Variants in NXN observed in about 807,000 individuals in gnomAD.
The protein encoded by NXN is nucleoredoxin.
A neutral mutation model predicts 48.6 loss-of-function variants in NXN; 16 were observed. That is an observed-to-expected ratio of 0.33 (90% CI 0.22 to 0.50). NXN has a LOEUF of 0.50. NXN is among the 20% of genes least tolerant of loss of function. The pLI, the probability that NXN is intolerant of heterozygous loss-of-function variation, is 0.98. For missense variants in NXN, 492 were observed against 605.5 expected (o/e 0.81, Z 1.97); for synonymous variants, 281 against 269.6 (o/e 1.04, Z -0.41).
At position 978,430 on chromosome 17, in the gene NXN, C is replaced by T. The variant is rs563980998; in HGVS notation, c.360+889G>A. 3.3e-5 allele frequency: 5 copies of T among 152,506 alleles called. No individual in the cohort carries two copies. The highest frequency in any genetic ancestry group is 1.2e-4 in the African/African-American group (5 of 41,588). The allele number at this position is 152,506 out of a possible 1,614,324, so 9.4% of individuals were successfully genotyped here. Reference sequence around the variant, plus strand: ...CACGAGAAGTTGACAGCAAAGTATCCATTTCCCCAAATCCTCCTTCTTCCA... The same window carrying T: ...CACGAGAAGTTGACAGCAAAGTATCTATTTCCCCAAATCCTCCTTCTTCCA... On this transcript the variant is annotated intron_variant, in intron 1 of 7. Coordinates refer to ENST00000336868, the MANE Select transcript of NXN (RefSeq NM_022463.5). This position sits in a 1 kb window ranked among gnomAD's most constrained non-coding sequence, Gnocchi z 4.1.
At chr17:974,492 T>C (rs182252420) in intron 1 of NXN, among the ~76,000 whole-genome samples, 17 of 152,104 alleles carry the variant, frequency 1.1e-4, no homozygotes, top group Admixed American at 7.2e-4. Context: ...AACACAATAA[T>C]AGCATTTATT....
rs544426012 is a variant in NXN, at chr17:913,592, C to G, written c.360+65727G>C. On this transcript the variant is annotated intron_variant, in intron 1 of 7. Coordinates refer to ENST00000336868, the MANE Select transcript of NXN (RefSeq NM_022463.5). ...GGAAAAGAGGATAAGGAGGCAGGTT[C>G]TCCACCTACCCCCACGTCCCCAGGC... Among the ~76,000 whole-genome samples the G allele has an allele frequency of 2.3e-3, 346 of 151,952 alleles. 1 individual carries two copies. Among genetic ancestry groups the G allele is most frequent in the Non-Finnish European group, 1.9e-3 (127 of 68,014 alleles).
At chr17:824,434 T>A (rs1912987892) in intron 2 of NXN, among the ~76,000 whole-genome samples, 1 of 152,060 alleles carries the variant, frequency 6.6e-6, no homozygotes, top group Non-Finnish European at 1.5e-5. Context: ...ACGTGCAAAA[T>A]GAAACAGGCT....
intron 1 of NXN, among the ~76,000 whole-genome samples, chr17:951,560 G>A (rs2069110984): frequency 6.6e-6 from 1 of 151,600 alleles, no homozygotes; most frequent in Admixed American, 6.6e-5. Context: ...ATGCGAGCTG[G>A]GGGCGGGGGC....
chr17:851,871 G>T (rs2067926719), intron 1 of NXN, among the ~76,000 whole-genome samples: 1 of 152,254 alleles, frequency 6.6e-6, no homozygotes. Context: ...CCTGCGGAAA[G>T]CGGAGGTCGG....
chr17:920,207 C>G lies in NXN; in HGVS notation c.360+59112G>C, dbSNP rs758624872. On this transcript the variant is annotated intron_variant, in intron 1 of 7. Coordinates refer to ENST00000336868, the MANE Select transcript of NXN (RefSeq NM_022463.5). This position sits in a 1 kb window ranked among gnomAD's most constrained non-coding sequence, Gnocchi z 4.6. ...GAGCCATCACGCCCAGTCTACACCC[C>G]GAAATCCAACATTACAAACTTATCA... 6.6e-6 allele frequency among the ~76,000 whole-genome samples: 1 copy of G among 152,114 alleles called. No homozygotes were observed. Among genetic ancestry groups the G allele is most frequent in the East Asian group, 1.9e-4 (1 of 5,176 alleles).
chr17:868,593 G>T (rs142171025), intron 1 of NXN, among the ~76,000 whole-genome samples: 3 of 152,186 alleles, frequency 2.0e-5, no homozygotes, highest in African/African-American at 7.2e-5. Flanking sequence ...CCGGGTTCAC[G>T]CCATTCTCCT....
At chr17:896,824 G>A (rs923284426) in intron 1 of NXN, 24 of 1,157,474 alleles carry the variant, frequency 2.1e-5, no homozygotes, top group African/African-American at 1.2e-4. Flanking sequence ...TGCAGATCTC[G>A]AAGATGCTAA....
At chr17:811,990 A>C (rs192052688) in intron 5 of NXN, among the ~76,000 whole-genome samples, 3,917 of 134,858 alleles carry the variant, frequency 0.029, 164 homozygotes, top group African/African-American at 0.11. Context: ...TGCAGTGGCA[A>C]GATCTCGGCT....
chr17:914,871 CAAGT>C (rs923017668), intron 1 of NXN, among the ~76,000 whole-genome samples: 14 of 152,216 alleles, frequency 9.2e-5, no homozygotes, highest in South Asian at 4.2e-4. Flanking sequence ...ATAAAGCAAG[CAAGT>C]GAGATGAGTT....
intron 1 of NXN, among the ~76,000 whole-genome samples, chr17:910,084 C>G (rs1703824): frequency 6.6e-6 from 1 of 151,936 alleles, no homozygotes; most frequent in Non-Finnish European, 1.5e-5. Flanking sequence ...GAAGCAACAT[C>G]CTACACCTCC....
intron 1 of NXN, among the ~76,000 whole-genome samples, chr17:869,183 A>G (rs934461574): frequency 6.6e-6 from 1 of 152,096 alleles, no homozygotes; most frequent in South Asian, 2.1e-4. Context: ...CCTGTTTGTT[A>G]ACTTCCCAGC....
At position 830,981 on chromosome 17, in the gene NXN, C is replaced by T. The variant is rs1030186011; in HGVS notation, c.361-4903G>A. Reference sequence around the variant, plus strand: ...AGCTATTGCACTCCAGCCTGGGCAACAAGAGCGAAACTCCGTCTCAAAAAA... The same window carrying T: ...AGCTATTGCACTCCAGCCTGGGCAATAAGAGCGAAACTCCGTCTCAAAAAA... On this transcript the variant is annotated intron_variant, in intron 1 of 7. Transcript: ENST00000336868. This position sits in a 1 kb window ranked among gnomAD's most constrained non-coding sequence, Gnocchi z 4.2. 1.5e-4 allele frequency among the ~76,000 whole-genome samples: 21 copies of T among 138,744 alleles called. No individual in the cohort carries two copies. Among genetic ancestry groups the T allele is most frequent in the African/African-American group, 5.4e-4 (20 of 36,900 alleles). The allele number at this position is 138,744 out of a possible 152,430, so 91.0% of individuals were successfully genotyped here. A position where few individuals can be genotyped will look rare whatever the true frequency, so the allele number is the denominator to read the frequency against.
At chr17:838,501 A>G (rs1204974078) in intron 1 of NXN, among the ~76,000 whole-genome samples, 2 of 152,212 alleles carry the variant, frequency 1.3e-5, no homozygotes, top group Non-Finnish European at 2.9e-5. Flanking sequence ...GAGCTGAATC[A>G]GCTGTGACTT....
chr17:913,756 C>T (rs1306771407), intron 1 of NXN, among the ~76,000 whole-genome samples: 1 of 152,118 alleles, frequency 6.6e-6, no homozygotes, highest in African/African-American at 2.4e-5. Context: ...AGTAAAAGAG[C>T]AGACAAAAAT....
At chr17:897,101 G>T in intron 1 of NXN, 1 of 1,016,220 alleles carries the variant, frequency 9.8e-7, no homozygotes, top group Non-Finnish European at 1.2e-6. Flanking sequence ...CGGCCACCGC[G>T]CCCAAGAAAA....
chr17:872,502 C>A (rs1326870076), intron 1 of NXN, among the ~76,000 whole-genome samples: 1 of 151,700 alleles, frequency 6.6e-6, no homozygotes, highest in Non-Finnish European at 1.5e-5. Context: ...TGAGGAAACA[C>A]CAGCCTATGG....
intron 1 of NXN, among the ~76,000 whole-genome samples, chr17:938,284 C>T (rs906422606): frequency 1.3e-5 from 2 of 152,206 alleles, no homozygotes; most frequent in African/African-American, 4.8e-5. Flanking sequence ...CCCAGGTCGG[C>T]GGTTAGATCT....
rs7213990 is a variant in NXN at position 952,770 on chromosome 17, C to G, written c.360+26549G>C. The stretch of plus-strand genomic sequence containing the variant: ...CACTGTGGGGGGGGCTGGAGTCAGA[C>G]AGACCAAGGTTGGAACCCGGCAGGT... On this transcript the variant is annotated intron_variant, in intron 1 of 7. Coordinates refer to ENST00000336868, the MANE Select transcript of NXN (RefSeq NM_022463.5). Among the ~76,000 whole-genome samples the G allele has an allele frequency of 3.2e-3, 191 of 59,220 alleles. 1 individual carries two copies. The highest frequency in any genetic ancestry group is 0.016 in the Middle Eastern group (1 of 64). 38.9% of individuals were successfully genotyped at this position (59,220 alleles called of 152,430 possible).
Sources: allele counts gnomAD v4.1 joint callset (sites outside exome capture counted in the v4.1 genomes callset), GRCh38; gene constraint gnomAD v4.1.1; non-coding constraint Gnocchi (gnomAD v3.1); transcripts MANE v1.5; gene names NCBI Gene and HGNC (gene_info 2026-07-23, HGNC 2026-07-21).